SLAMF6: variants seen among roughly 807,000 people sequenced by gnomAD.
SLAMF6 encodes the protein NK-T-B-antigen.
In SLAMF6, 21 loss-of-function variants were observed where a neutral mutation model predicts 38.3. The ratio of observed to expected loss-of-function variants is 0.55; its 90% CI spans 0.39 to 0.79. The LOEUF (loss-of-function observed/expected upper bound fraction) is 0.79. Ranked by LOEUF, SLAMF6 falls within the 30% of genes least tolerant of loss-of-function variation. The probability of loss-of-function intolerance (pLI) is 0.00; values close to 1 mark genes in which losing one functional copy is unlikely to be tolerated. For missense variants in SLAMF6, 341 were observed against 385.3 expected (o/e 0.89, Z 0.96); for synonymous variants, 152 against 146.3 (o/e 1.04, Z -0.28).
At chr1:160,489,426 G>C (rs992101037) in intron 5 of SLAMF6, among the ~76,000 whole-genome samples, 8 of 152,108 alleles carry the variant, frequency 5.3e-5, no homozygotes, top group Admixed American at 5.2e-4. Flanking sequence ...TCTCCCTCAG[G>C]CTTCACATGT....
intron 1 of SLAMF6, among the ~76,000 whole-genome samples, chr1:160,501,167 C>T (rs987894908): frequency 1.3e-5 from 2 of 152,076 alleles, no homozygotes; most frequent in Non-Finnish European, 2.9e-5. Context: ...ATTAGTAAAA[C>T]CTTAGGAACC....
intron 6 of SLAMF6, 152 bp downstream of exon 6, chr1:160,488,936 T>C (rs1005801156): frequency 9.1e-6 from 6 of 661,712 alleles, no homozygotes; most frequent in African/African-American, 1.8e-5. Context: ...GACACCAGAG[T>C]GGTCTAGCGC....
chr1:160,501,069 C>G (rs1352634393), intron 1 of SLAMF6, among the ~76,000 whole-genome samples: 1 of 152,242 alleles, frequency 6.6e-6, no homozygotes, highest in East Asian at 1.9e-4. Context: ...TCTGCAAAGA[C>G]AAGCACAGAA....
intron 2 of SLAMF6, among the ~76,000 whole-genome samples, chr1:160,494,649 G>A (rs1193172260): frequency 3.9e-5 from 6 of 152,188 alleles, no homozygotes; most frequent in African/African-American, 1.4e-4. Context: ...GCAAAAGGAT[G>A]TTTGAGACAG....
intron 1 of SLAMF6, among the ~76,000 whole-genome samples, chr1:160,497,180 A>G (rs910167066): frequency 5.9e-5 from 9 of 152,196 alleles, no homozygotes; most frequent in Admixed American, 2.0e-4. Flanking sequence ...GAAATAATAA[A>G]TATAATTTCA....
At chr1:160,504,558 T>A (rs2102044437) in intron 1 of SLAMF6, among the ~76,000 whole-genome samples, 1 of 152,294 alleles carries the variant, frequency 6.6e-6, no homozygotes, top group African/African-American at 2.4e-5. Context: ...CTGAAAGAAT[T>A]GTATTTGTCT....
intron 1 of SLAMF6, among the ~76,000 whole-genome samples, chr1:160,497,327 A>G (rs1469252170): frequency 1.3e-5 from 2 of 152,174 alleles, no homozygotes. Context: ...AGCAATTATT[A>G]CACTATTTTG....
chr1:160,500,492 C>A (rs1653826230), intron 1 of SLAMF6, among the ~76,000 whole-genome samples: 1 of 152,134 alleles, frequency 6.6e-6, no homozygotes, highest in East Asian at 1.9e-4. Flanking sequence ...TGCAAACATT[C>A]CTGCTCAGAG....
chr1:160,497,174 T>A (rs1653631641), intron 1 of SLAMF6, among the ~76,000 whole-genome samples: 1 of 152,100 alleles, frequency 6.6e-6, no homozygotes, highest in Non-Finnish European at 1.5e-5. Flanking sequence ...CATATAGAAA[T>A]AATAAATATA....
chr1:160,495,235 T>G (rs964520474), intron 2 of SLAMF6, among the ~76,000 whole-genome samples: 3 of 152,176 alleles, frequency 2.0e-5, no homozygotes, highest in African/African-American at 7.2e-5. Context: ...TCCGTGGCCT[T>G]TAATGTTTTC....
chr1:160,499,965 G>A (rs1653797385), intron 1 of SLAMF6, among the ~76,000 whole-genome samples: 1 of 152,220 alleles, frequency 6.6e-6, no homozygotes, highest in Non-Finnish European at 1.5e-5. Flanking sequence ...TGAGCAGAAT[G>A]TCCAGATACC....
intron 1 of SLAMF6, among the ~76,000 whole-genome samples, chr1:160,512,700 A>G (rs1265239851): frequency 6.6e-6 from 1 of 152,060 alleles, no homozygotes; most frequent in Non-Finnish European, 1.5e-5. Flanking sequence ...TGGTGACACC[A>G]CCAGGGTGGG....
intron 2 of SLAMF6, among the ~76,000 whole-genome samples, chr1:160,494,391 G>A (rs1179379928): frequency 6.6e-6 from 1 of 152,098 alleles, no homozygotes; most frequent in Non-Finnish European, 1.5e-5. Flanking sequence ...GCTTTCCATT[G>A]GATGAGTCTC....
At chr1:160,508,929 A>G (rs1654331378) in intron 1 of SLAMF6, among the ~76,000 whole-genome samples, 1 of 152,264 alleles carries the variant, frequency 6.6e-6, no homozygotes, top group African/African-American at 2.4e-5. Context: ...GTCATCAGAG[A>G]AATGCAAACC....
intron 1 of SLAMF6, 112 bp downstream of exon 1, chr1:160,523,032 C>T: frequency 1.7e-6 from 2 of 1,167,056 alleles, no homozygotes; most frequent in Non-Finnish European, 2.5e-6. Flanking sequence ...CCTTTCCCGC[C>T]CCAATCCCTT....
chr1:160,513,409 A>G (rs945677706), intron 1 of SLAMF6, among the ~76,000 whole-genome samples: 1 of 152,234 alleles, frequency 6.6e-6, no homozygotes, highest in Non-Finnish European at 1.5e-5. Flanking sequence ...TGAAAGAGAC[A>G]GGTGAATGAA....
intron 1 of SLAMF6, among the ~76,000 whole-genome samples, chr1:160,522,455 G>A (rs1000499650): frequency 6.6e-6 from 1 of 152,076 alleles, no homozygotes; most frequent in Admixed American, 6.6e-5. Context: ...TTTGTCTCCC[G>A]TGGACCACTT....
intron 1 of SLAMF6, among the ~76,000 whole-genome samples, chr1:160,498,229 A>G (rs1019159260): frequency 6.6e-6 from 1 of 152,048 alleles, no homozygotes; most frequent in Non-Finnish European, 1.5e-5. Flanking sequence ...GCATATGGCT[A>G]TACAAAAATA....
intron 1 of SLAMF6, among the ~76,000 whole-genome samples, chr1:160,500,306 C>T (rs369372483): frequency 1.6e-4 from 25 of 152,180 alleles, no homozygotes; most frequent in African/African-American, 4.6e-4. Flanking sequence ...AATGATCTGG[C>T]CATTTCTCTT....
Sources: allele counts gnomAD v4.1 joint callset (sites outside exome capture counted in the v4.1 genomes callset), GRCh38; gene constraint gnomAD v4.1.1; transcripts MANE v1.5; gene names NCBI Gene and HGNC (gene_info 2026-07-23, HGNC 2026-07-21).